Variants in PTPRO observed in about 807,000 individuals in gnomAD.
The protein encoded by PTPRO is receptor-type tyrosine-protein phosphatase O.
In PTPRO, 62 loss-of-function variants were observed where a neutral mutation model predicts 145.2. The observed-to-expected ratio is 0.43, with a 90% CI of 0.35 to 0.53. The LOEUF is 0.53. Ranked by LOEUF, PTPRO falls within the 20% of genes least tolerant of loss-of-function variation. PTPRO has a pLI of 0.01. For missense variants in PTPRO, 1,345 were observed against 1,482.7 expected, an observed-to-expected ratio of 0.91 and a Z score of 1.53; for synonymous variants, 565 against 514.7, an observed-to-expected ratio of 1.10 and a Z score of -1.32.
At chr12:15,407,763 G>C (rs1267575697) in intron 1 of PTPRO, among the ~76,000 whole-genome samples, 1 of 152,130 alleles carries the variant, frequency 6.6e-6, no homozygotes, top group Non-Finnish European at 1.5e-5. Context: ...ATGAAAACTA[G>C]AAAGGAAAAG....
At chr12:15,423,406 A>T (rs1940199903) in intron 1 of PTPRO, among the ~76,000 whole-genome samples, 1 of 152,206 alleles carries the variant, frequency 6.6e-6, no homozygotes. Context: ...GTTTGTAATC[A>T]TAAATATTTT....
intron 12 of PTPRO, among the ~76,000 whole-genome samples, chr12:15,539,532 C>G (rs926283868): frequency 1.3e-5 from 2 of 151,730 alleles, no homozygotes; most frequent in Non-Finnish European, 2.9e-5. Context: ...GAGGCCGAGG[C>G]GGGCAGATCA....
At chr12:15,515,983 T>G (rs970774440) in intron 8 of PTPRO, among the ~76,000 whole-genome samples, 4 of 129,220 alleles carry the variant, frequency 3.1e-5, no homozygotes, top group Non-Finnish European at 6.4e-5. Context: ...CTGGTTTTTT[T>G]TTTGTTTTGT....
chr12:15,349,274 G>A (rs150917326), intron 1 of PTPRO, among the ~76,000 whole-genome samples: 1 of 152,128 alleles, frequency 6.6e-6, no homozygotes, highest in Non-Finnish European at 1.5e-5. Flanking sequence ...GCTAGATGGG[G>A]GTACGATTTA....
chr12:15,463,686 A>G (rs1468912228), intron 1 of PTPRO, among the ~76,000 whole-genome samples: 1 of 152,074 alleles, frequency 6.6e-6, no homozygotes. Context: ...TTCTTTGTTG[A>G]TATTCTTTCT....
rs76773832 is a variant in PTPRO at position 15,375,320 on chromosome 12, A to G, written c.75+52519A>G. On this transcript the variant is annotated intron_variant, in intron 1 of 26. Transcript: ENST00000281171. ...AGAAATTGTCAATAGAAAATCTGTTACCTGAGGGGACCCAGATTTTAGACT... is the reference window on the plus strand; with the variant it reads ...AGAAATTGTCAATAGAAAATCTGTTGCCTGAGGGGACCCAGATTTTAGACT... Among the ~76,000 whole-genome samples, 658 of 152,344 alleles carry G rather than the reference A, an allele frequency of 4.3e-3. 3 individuals are homozygous for G. The highest frequency in any genetic ancestry group is 7.4e-3 in the Non-Finnish European group (502 of 68,030).
intron 1 of PTPRO, among the ~76,000 whole-genome samples, chr12:15,435,287 T>C (rs1940564089): frequency 6.6e-6 from 1 of 152,248 alleles, no homozygotes; most frequent in South Asian, 2.1e-4. Flanking sequence ...GATTTTATAC[T>C]ATTTGGCATA....
intron 1 of PTPRO, among the ~76,000 whole-genome samples, chr12:15,389,172 C>T (rs987943965): frequency 6.7e-6 from 1 of 150,260 alleles, no homozygotes; most frequent in Non-Finnish European, 1.5e-5. Context: ...GGCGCGATCT[C>T]GGCTCACTGC....
intron 2 of PTPRO, among the ~76,000 whole-genome samples, chr12:15,488,717 C>G (rs1482765999): frequency 1.3e-5 from 2 of 152,184 alleles, no homozygotes; most frequent in African/African-American, 4.8e-5. Flanking sequence ...GTCTGTCACT[C>G]TTAGAGAAAG....
At chr12:15,435,106 A>G (rs1304005244) in intron 1 of PTPRO, among the ~76,000 whole-genome samples, 1 of 152,210 alleles carries the variant, frequency 6.6e-6, no homozygotes, top group Non-Finnish European at 1.5e-5. Flanking sequence ...CTATTCAGTC[A>G]CTATCATGTA....
intron 1 of PTPRO, among the ~76,000 whole-genome samples, chr12:15,411,884 A>G (rs539637524): frequency 6.6e-6 from 1 of 152,340 alleles, no homozygotes; most frequent in African/African-American, 2.4e-5. Context: ...AATAAGTTAT[A>G]TTAGCCCAGC....
At chr12:15,580,207 G>A in intron 21 of PTPRO, 92 bp downstream of exon 21, 1 of 996,456 alleles carries the variant, frequency 1.0e-6, no homozygotes, top group Non-Finnish European at 1.6e-6. Flanking sequence ...GTTCAAAAGA[G>A]AGCCTTTCCC....
At chr12:15,548,897 T>C (rs181846189) in intron 13 of PTPRO, among the ~76,000 whole-genome samples, 197 bp from the exon 14 acceptor site, 1 of 152,156 alleles carries the variant, frequency 6.6e-6, no homozygotes, top group African/African-American at 2.4e-5. Flanking sequence ...CCTGACAACA[T>C]GGAATAATGC....
chr12:15,595,422 T>G (rs1466095107), intron 26 of PTPRO: 10 of 289,256 alleles, frequency 3.5e-5, no homozygotes, highest in African/African-American at 2.2e-4. Flanking sequence ...TTTTATTGAT[T>G]ACAAGGGCTG....
chr12:15,586,776 A>G (rs967949961), intron 23 of PTPRO, 121 bp from the exon 24 acceptor site: 10 of 1,082,102 alleles, frequency 9.2e-6, no homozygotes, highest in Middle Eastern at 2.3e-4. Context: ...TGGAAAGGAA[A>G]GTGTACTGAC....
chr12:15,505,080 C>T (rs1942295185), intron 6 of PTPRO, among the ~76,000 whole-genome samples: 2 of 152,152 alleles, frequency 1.3e-5, no homozygotes, highest in Non-Finnish European at 2.9e-5. Context: ...AGGACAAAGT[C>T]GAGTATTTCA....
chr12:15,350,574 A>C (rs1937771427), intron 1 of PTPRO, among the ~76,000 whole-genome samples: 1 of 152,224 alleles, frequency 6.6e-6, no homozygotes, highest in South Asian at 2.1e-4. Flanking sequence ...AAATGAGAGA[A>C]GTTTAGGGCA....
At chr12:15,531,994 T>C (rs10846190) in intron 12 of PTPRO, among the ~76,000 whole-genome samples, 36,217 of 151,976 alleles carry the variant, frequency 0.24, 4,557 homozygotes, top group Admixed American at 0.33. Flanking sequence ...TGGGTAGTAT[T>C]GTTGGCAGTG....
At position 15,437,349 on chromosome 12, in the gene PTPRO, C is replaced by G. The variant is rs139590643; in HGVS notation, c.76-46625C>G. ...GCAGAGATCTTTGTGCAGCGGGGCTCTCTCTGCTCCACACCCAAGAAGATC... is the reference window on the plus strand; with the variant it reads ...GCAGAGATCTTTGTGCAGCGGGGCTGTCTCTGCTCCACACCCAAGAAGATC... On this transcript the variant is annotated intron_variant, in intron 1 of 26. Transcript: ENST00000281171. 1.2e-3 allele frequency among the ~76,000 whole-genome samples: 178 copies of G among 152,058 alleles called. 1 individual carries two copies. The highest frequency in any genetic ancestry group is 2.0e-3 in the Non-Finnish European group (134 of 67,990).
Sources: gnomAD v4.1 joint callset for allele counts (sites outside exome capture counted in the v4.1 genomes callset) on GRCh38, gnomAD v4.1.1 for gene constraint, MANE v1.5 for transcripts, NCBI Gene and HGNC (gene_info 2026-07-23, HGNC 2026-07-21) for gene names.